The following PKN2 variants were observed in gnomAD, a reference collection of about 807,000 sequenced individuals.
PKN2 encodes serine/threonine-protein kinase N2.
Under a neutral mutation model 119.1 loss-of-function variants are expected in PKN2, and 38 were observed. The ratio of observed to expected loss-of-function variants is 0.32; its 90% CI spans 0.25 to 0.42. The LOEUF is 0.42. Among genes scored for constraint, PKN2 ranks in the 10% least tolerant of loss-of-function variants. The probability of loss-of-function intolerance (pLI) is 1.00; values close to 1 mark genes in which losing one functional copy is unlikely to be tolerated. For missense variants in PKN2, 850 were observed against 1,165.1 expected, an observed-to-expected ratio of 0.73 and a Z score of 3.94; for synonymous variants, 390 against 384.9, an observed-to-expected ratio of 1.01 and a Z score of -0.15.
At chr1:88,726,016 A>G (rs988776287) in intron 1 of PKN2, among the ~76,000 whole-genome samples, 5 of 152,224 alleles carry the variant, frequency 3.3e-5, no homozygotes, top group African/African-American at 1.2e-4. Flanking sequence ...CATTGTTAGT[A>G]TATAGAAGAA....
intron 21 of PKN2, 38 bp downstream of exon 21, chr1:88,833,195 G>A (rs373711184): frequency 4.0e-5 from 65 of 1,609,372 alleles, no homozygotes; most frequent in African/African-American, 2.4e-4. Context: ...TGAAACTAGA[G>A]CGATTAGATT....
intron 8 of PKN2, among the ~76,000 whole-genome samples, chr1:88,793,801 AATT>A (rs528805149): frequency 3.9e-5 from 6 of 152,186 alleles, no homozygotes; most frequent in Admixed American, 1.3e-4. Flanking sequence ...ATGCTATATA[AATT>A]ATTATACTGT....
intron 16 of PKN2, 36 bp downstream of exon 16, chr1:88,813,769 A>G (rs768344859): frequency 2.7e-6 from 4 of 1,471,710 alleles, no homozygotes; most frequent in Admixed American, 2.5e-5. Context: ...GAGTTTTTCC[A>G]TGACTGATTT....
intron 1 of PKN2, among the ~76,000 whole-genome samples, chr1:88,704,781 A>C (rs1666909184): frequency 6.9e-6 from 1 of 145,714 alleles, no homozygotes; most frequent in African/African-American, 2.7e-5. Context: ...CCTGTCTCAA[A>C]AAAAAAAAAA....
rs1672195321 is a variant in PKN2, at chr1:88,820,186, ATATATATATAT to A, written c.2280-1754_2280-1744del. On this transcript the variant is annotated intron_variant, in intron 16 of 21. Transcript: ENST00000370521. ...AACAAATCTTTTCAGAAACCTATAT[ATATATATATAT>A]ATATATATATATATATATATATATA... Among the ~76,000 whole-genome samples the A allele has an allele frequency of 1.8e-3, 6 of 3,306 alleles. No individual in the cohort carries two copies. The South Asian group carries it at 0.048, about 27-fold the overall frequency. The allele number at this position is 3,306 out of a possible 152,430, so 2.2% of individuals were successfully genotyped here. A position where few individuals can be genotyped will look rare whatever the true frequency, so the allele number is the denominator to read the frequency against.
intron 19 of PKN2, among the ~76,000 whole-genome samples, chr1:88,831,163 C>A (rs1377631345): frequency 6.6e-6 from 1 of 151,896 alleles, no homozygotes; most frequent in Non-Finnish European, 1.5e-5. Context: ...GACATCTGAA[C>A]AGACTATTGG....
intron 1 of PKN2, among the ~76,000 whole-genome samples, chr1:88,686,024 A>G (rs1203812111): frequency 6.6e-6 from 1 of 152,164 alleles, no homozygotes; most frequent in Non-Finnish European, 1.5e-5. Context: ...TGAATTTCAT[A>G]TAATTGAAAA....
intron 1 of PKN2, among the ~76,000 whole-genome samples, chr1:88,694,669 G>C (rs1666464543): frequency 6.6e-6 from 1 of 152,114 alleles, no homozygotes; most frequent in South Asian, 2.1e-4. Context: ...ATTTAGATTT[G>C]TAAGAAACTC....
chr1:88,783,978 A>T (rs942540702), intron 6 of PKN2, among the ~76,000 whole-genome samples: 12 of 152,196 alleles, frequency 7.9e-5, no homozygotes, highest in Admixed American at 1.3e-4. Flanking sequence ...TGGTATTCAC[A>T]TAGTGAGACT....
intron 1 of PKN2, among the ~76,000 whole-genome samples, chr1:88,709,716 G>A (rs1667147414): frequency 6.6e-6 from 1 of 152,094 alleles, no homozygotes; most frequent in South Asian, 2.1e-4. Context: ...CAAAAGAACA[G>A]CATACATGTT....
intron 3 of PKN2, among the ~76,000 whole-genome samples, chr1:88,769,630 C>T (rs1669806183): frequency 6.6e-6 from 1 of 152,018 alleles, no homozygotes; most frequent in Non-Finnish European, 1.5e-5. Context: ...TATTGTTCAG[C>T]CTTAAAAAAG....
intron 1 of PKN2, among the ~76,000 whole-genome samples, chr1:88,688,383 C>A (rs575824286): frequency 6.6e-6 from 1 of 152,102 alleles, no homozygotes. Context: ...CCATGCCCGG[C>A]GCCACTACAC....
At chr1:88,802,950 T>A (rs117982672) in intron 8 of PKN2, among the ~76,000 whole-genome samples, 1 of 152,310 alleles carries the variant, frequency 6.6e-6, no homozygotes, top group East Asian at 1.9e-4. Context: ...AAATTACCAA[T>A]CCTGACATGA....
intron 2 of PKN2, among the ~76,000 whole-genome samples, chr1:88,743,047 C>G (rs531146040): frequency 7.9e-5 from 12 of 151,952 alleles, no homozygotes; most frequent in African/African-American, 2.9e-4. Flanking sequence ...GAAAATTAGT[C>G]GACGTGGTGG....
At chr1:88,684,711 C>A in intron 1 of PKN2, 83 bp downstream of exon 1, 7 of 1,210,002 alleles carry the variant, frequency 5.8e-6, no homozygotes, top group Non-Finnish European at 6.6e-6. Flanking sequence ...CGAGGAAAGC[C>A]CTGCGGCCGC....
At chr1:88,804,719 T>C in intron 9 of PKN2, 127 bp from the exon 10 acceptor site, 2 of 758,104 alleles carry the variant, frequency 2.6e-6, no homozygotes, top group Non-Finnish European at 4.3e-6. Flanking sequence ...GTCTGTTTTC[T>C]CATGTAGAAA....
chr1:88,834,853 T>C lies in PKN2; in HGVS notation c.*1405T>C, dbSNP rs1193314908. The C allele has an allele frequency of 6.6e-6, 1 of 152,440 alleles. No individual in the cohort carries two copies. The highest frequency in any genetic ancestry group is 1.5e-5 in the Non-Finnish European group (1 of 67,916). The allele number at this position is 152,440 out of a possible 1,614,324, so 9.4% of individuals were successfully genotyped here. On this transcript the variant is annotated 3_prime_UTR_variant, in exon 22 of 22. Coordinates refer to ENST00000370521, the MANE Select transcript of PKN2 (RefSeq NM_006256.4). ...GATTTTATATTTTTTTCTCCTAATC[T>C]ATGACTTTATTGTTTTTTCTTAGTT...
At chr1:88,784,930 ATAATT>A (rs1670511703) in intron 7 of PKN2, 106 bp downstream of exon 7, 1 of 545,332 alleles carries the variant, frequency 1.8e-6, no homozygotes, top group African/African-American at 2.0e-5. Context: ...TATGGTTTTT[ATAATT>A]TAATTAAAAA....
At chr1:88,804,665 T>G in intron 9 of PKN2, 131 bp downstream of exon 9, 1 of 870,394 alleles carries the variant, frequency 1.1e-6, no homozygotes, top group Non-Finnish European at 1.8e-6. Flanking sequence ...GCTATGCCAC[T>G]GAATAGGTAT....
Sources: gnomAD v4.1 joint callset for allele counts (sites outside exome capture counted in the v4.1 genomes callset) on GRCh38, gnomAD v4.1.1 for gene constraint, MANE v1.5 for transcripts, NCBI Gene and HGNC (gene_info 2026-07-23, HGNC 2026-07-21) for gene names.